Variants in NME8 observed in about 807,000 individuals in gnomAD.
NME8 encodes the protein NME/NM23 family member 8.
NME8 carries 72 observed loss-of-function variants against 82.3 expected under a neutral mutation model. The observed-to-expected ratio is 0.87, with a 90% confidence interval of 0.72 to 1.06. The LOEUF (loss-of-function observed/expected upper bound fraction) is 1.06, where lower values mean the gene tolerates loss of function less well. NME8 is among the 50% of genes least tolerant of loss of function. The pLI is 0.00. For missense variants in NME8, 712 were observed against 685.4 expected (o/e 1.04, Z -0.43); for synonymous variants, 267 against 228.5 (o/e 1.17, Z -1.52).
In NME8 at chr7:37,864,215, T is replaced by C. The variant is rs1784639921; in HGVS notation, c.455-133T>C. On this transcript the variant is annotated intron_variant, in intron 8 of 17. Coordinates refer to ENST00000199447, the MANE Select transcript of NME8 (RefSeq NM_016616.5). ...CCCTCTGGTAGTTGAAATGCCGTAG[T>C]AAGATACACAGCTATCAATGGGCAA... 7.2e-6 allele frequency: 8 copies of C among 1,111,698 alleles called. No individual in the cohort carries two copies. In the South Asian group the frequency reaches 1.1e-4, roughly 16 times the overall value. 68.9% of individuals were successfully genotyped at this position (1,111,698 alleles called of 1,614,324 possible). A position where few individuals can be genotyped will look rare whatever the true frequency, so the allele number is the denominator to read the frequency against.
intron 15 of NME8, among the ~76,000 whole-genome samples, chr7:37,889,891 C>T (rs1476391786): frequency 6.6e-6 from 1 of 151,918 alleles, no homozygotes; most frequent in African/African-American, 2.4e-5. Context: ...GGGGATCTGT[C>T]AGAAACTAGA....
Position 37,850,630 on chromosome 7 carries a change from G to A in NME8, c.93G>A (p.Val31=). 1.3e-6 allele frequency: 2 copies of A among 1,599,018 alleles called. No individual in the cohort carries two copies. Among genetic ancestry groups the A allele is most frequent in the Non-Finnish European group, 1.7e-6 (2 of 1,166,266 alleles). ...DEMLQNKGLT[V]IDVYQAWCGP... ...TTCATAAATATCATCATCTTCTAGTGATTGATGTTTACCAAGCCTGGTGTG... is the reference window on the plus strand; with the variant it reads ...TTCATAAATATCATCATCTTCTAGTAATTGATGTTTACCAAGCCTGGTGTG... Residue 31 remains valine (V), a splice_region_variant and synonymous_variant, in exon 5 of 18, where the codon GTG becomes GTA. Coordinates refer to ENST00000199447, the MANE Select transcript of NME8 (RefSeq NM_016616.5).
chr7:37,874,499 A>G (rs936470112), intron 11 of NME8, among the ~76,000 whole-genome samples: 1 of 152,240 alleles, frequency 6.6e-6, no homozygotes, highest in Non-Finnish European at 1.5e-5. Context: ...CAACAGGGGC[A>G]GGAAAAAGAC....
chr7:37,850,234 A>T (rs747201006), intron 2 of NME8, 26 bp from the exon 3 acceptor site: 35 of 1,580,588 alleles, frequency 2.2e-5, no homozygotes, highest in Non-Finnish European at 2.9e-5. Context: ...CTACTTAAAA[A>T]TTTTTCTTTC....
At chr7:37,855,187 G>T (rs1454124172) in intron 5 of NME8, among the ~76,000 whole-genome samples, 2 of 152,020 alleles carry the variant, frequency 1.3e-5, no homozygotes, top group East Asian at 3.9e-4. Context: ...CAGTGACCAG[G>T]GGCATTTTCC....
At chr7:37,852,402 T>C (rs1377841941) in intron 5 of NME8, among the ~76,000 whole-genome samples, 1 of 152,154 alleles carries the variant, frequency 6.6e-6, no homozygotes, top group Non-Finnish European at 1.5e-5. Flanking sequence ...GTGTTGTACA[T>C]TTTAGGGAGT....
At chr7:37,864,551 G>A in intron 9 of NME8, 130 bp downstream of exon 9, 1 of 927,560 alleles carries the variant, frequency 1.1e-6, no homozygotes, top group South Asian at 1.7e-5. Context: ...GGTACCTCTA[G>A]AGGCTTTGAG....
chr7:37,851,665 C>CT (rs1291269124), intron 5 of NME8, among the ~76,000 whole-genome samples: 6 of 151,680 alleles, frequency 4.0e-5, no homozygotes, highest in Admixed American at 3.9e-4. Flanking sequence ...TTATTTTCAC[C>CT]TTTTTTTGTT....
At chr7:37,870,045 T>C (rs1784744734) in intron 11 of NME8, among the ~76,000 whole-genome samples, 1 of 152,106 alleles carries the variant, frequency 6.6e-6, no homozygotes, top group African/African-American at 2.4e-5. Context: ...TTAATTTCTG[T>C]GCGTTGGTCC....
chr7:37,891,498 TA>T (rs1323482445), intron 15 of NME8, among the ~76,000 whole-genome samples: 1 of 152,044 alleles, frequency 6.6e-6, no homozygotes, highest in Non-Finnish European at 1.5e-5. Context: ...AACATCTTAT[TA>T]TTTTAAGTTA....
intron 5 of NME8, among the ~76,000 whole-genome samples, chr7:37,855,511 C>T: frequency 1.8e-5 from 1 of 55,806 alleles, no homozygotes; most frequent in South Asian, 4.9e-4. Context: ...GCATTCCCCT[C>T]CCCCCACCAA....
Position 37,863,458 on chromosome 7 carries a change from T to A in NME8, c.450T>A (p.Ser150Arg), listed in dbSNP as rs757337877. The part of the protein sequence containing the change: ...SEVSEESPCE[S>R]VQELYSIAII... ...TTAGTGAAGAATCACCATGTGAAAG[T>A]GTTCGTAAGTAAATTTACTTCAAAG... The change falls in exon 8 of 18, where the codon AGT becomes AGA. Residue 150 changes from serine (S) to arginine (R), a missense_variant. By Grantham distance (110) the Ser-to-Arg change is moderately radical. Transcript: ENST00000199447. 4 of 1,585,336 alleles carry A rather than the reference T, an allele frequency of 2.5e-6. No individual in the cohort carries two copies. The highest frequency in any genetic ancestry group is 1.1e-5 in the South Asian group (1 of 90,480).
At chr7:37,870,112 C>T (rs1784745456) in intron 11 of NME8, among the ~76,000 whole-genome samples, 1 of 152,028 alleles carries the variant, frequency 6.6e-6, no homozygotes, top group Non-Finnish European at 1.5e-5. Flanking sequence ...CTCCCTGCTC[C>T]CATTACCTGT....
chr7:37,874,011 G>C (rs1784811205), intron 11 of NME8, among the ~76,000 whole-genome samples: 1 of 152,162 alleles, frequency 6.6e-6, no homozygotes, highest in Admixed American at 6.5e-5. Flanking sequence ...GGAAGAAAAA[G>C]GCTGCAACCC....
intron 14 of NME8, among the ~76,000 whole-genome samples, chr7:37,886,239 A>G (rs1309580011): frequency 6.6e-6 from 1 of 152,198 alleles, no homozygotes; most frequent in African/African-American, 2.4e-5. Flanking sequence ...AAAATGTGGC[A>G]TAGAGTGCAA....
chr7:37,856,620 A>C (rs1434843343), intron 5 of NME8, among the ~76,000 whole-genome samples: 1 of 152,254 alleles, frequency 6.6e-6, no homozygotes, highest in Non-Finnish European at 1.5e-5. Context: ...TTGAATGTAT[A>C]GTTGTTCATA....
chr7:37,889,228 CATT>C (rs966231008), intron 15 of NME8, among the ~76,000 whole-genome samples: 10 of 151,670 alleles, frequency 6.6e-5, no homozygotes, highest in African/African-American at 2.4e-4. Flanking sequence ...AATTTCTTAT[CATT>C]ATTATATTTC....
rs375200127 is a variant in NME8, at chr7:37,867,800, C to T, written c.720C>T (p.Thr240=). 27 of 1,613,646 alleles carry T rather than the reference C, an allele frequency of 1.7e-5. No individual in the cohort carries two copies. The highest frequency in any genetic ancestry group is 4.4e-5 in the South Asian group (4 of 91,076). The change falls in exon 11 of 18, where the codon ACC becomes ACT. Residue 240 remains threonine, a synonymous_variant. Coordinates refer to ENST00000199447, the MANE Select transcript of NME8 (RefSeq NM_016616.5). ...GSKHNPPSEE[T]EPQTDTEPNE... is the part of the protein sequence containing the mutation. ...AACACAATCCTCCCTCTGAAGAAAC[C>T]GAACCACAGACTGACACCGAACCTA...
chr7:37,870,621 G>C (rs1218940822), intron 11 of NME8, among the ~76,000 whole-genome samples: 1 of 150,012 alleles, frequency 6.7e-6, no homozygotes, highest in Non-Finnish European at 1.5e-5. Flanking sequence ...TTACCAATTT[G>C]TGTTGGGCCA....
Sources: allele counts gnomAD v4.1 joint callset (sites outside exome capture counted in the v4.1 genomes callset), GRCh38; gene constraint gnomAD v4.1.1; transcripts MANE v1.5; gene names NCBI Gene and HGNC (gene_info 2026-07-23, HGNC 2026-07-21).